The following VWA8 variants were observed in gnomAD, a reference collection of about 807,000 sequenced individuals.
VWA8 encodes the protein von Willebrand factor A domain-containing protein 8.
VWA8 carries 221 observed loss-of-function variants against 241.5 expected under a neutral mutation model. The observed-to-expected ratio is 0.91, with a 90% CI of 0.82 to 1.02. The LOEUF (loss-of-function observed/expected upper bound fraction) is 1.02, where lower values mean the gene tolerates loss of function less well. VWA8 is among the 50% of genes least tolerant of loss of function. The pLI is 0.00. For synonymous variants in VWA8, 852 were observed against 827.1 expected (o/e 1.03, Z -0.52); for missense variants, 2,322 against 2,328.7 (o/e 1.00, Z 0.06).
At chr13:41,872,876 G>T (rs1335954193) in intron 9 of VWA8, among the ~76,000 whole-genome samples, 2 of 152,014 alleles carry the variant, frequency 1.3e-5, no homozygotes, top group African/African-American at 4.8e-5. Context: ...GGATGGCATT[G>T]AATCTATAAA....
In VWA8 at chr13:41,703,336, C is replaced by T; in HGVS notation, c.3192G>A (p.Leu1064=). ...CTATATGATGAGTTTCCACTGGACA[C>T]AAGAGTTTTTGCATCCCACTTCTTG... The part of the protein sequence containing the change: ...GQARSGMQKL[L]CPVETHHIDI... Residue 1064 remains leucine (L), a synonymous_variant, in exon 27 of 45, where the codon TTG becomes TTA. Coordinates refer to ENST00000379310, the MANE Select transcript of VWA8 (RefSeq NM_015058.2). The T allele has an allele frequency of 6.2e-7, 1 of 1,614,026 alleles. No homozygotes were observed.
intron 17 of VWA8, among the ~76,000 whole-genome samples, chr13:41,805,520 A>C (rs1870147721): frequency 6.6e-6 from 1 of 152,174 alleles, no homozygotes. Context: ...TCAACGAAGA[A>C]ATATTGGACA....
At chr13:41,915,538 A>T (rs1284596164) in intron 2 of VWA8, among the ~76,000 whole-genome samples, 1 of 152,242 alleles carries the variant, frequency 6.6e-6, no homozygotes, top group African/African-American at 2.4e-5. Context: ...ACCATAGTTG[A>T]GAAATATTGT....
chr13:41,570,791 C>A, intron 43 of VWA8, 85 bp from the exon 44 acceptor site: 1 of 1,144,500 alleles, frequency 8.7e-7, no homozygotes, highest in Non-Finnish European at 1.3e-6. Flanking sequence ...TGACCATGAG[C>A]ATGCATACAT....
chr13:41,699,350 C>T, intron 28 of VWA8, 80 bp from the exon 29 acceptor site: 1 of 1,300,472 alleles, frequency 7.7e-7, no homozygotes, highest in South Asian at 1.2e-5. Flanking sequence ...AAAACTGAAT[C>T]ATGAATACAC....
At chr13:41,890,877 G>A (rs1238366070) in intron 5 of VWA8, among the ~76,000 whole-genome samples, 5 of 152,224 alleles carry the variant, frequency 3.3e-5, no homozygotes, top group African/African-American at 9.6e-5. Flanking sequence ...AAGGAAGGAT[G>A]GAAGCAGGGA....
At chr13:41,901,913 T>TATATATATAC (rs1268681139) in intron 4 of VWA8, among the ~76,000 whole-genome samples, 5 of 64,016 alleles carry the variant, frequency 7.8e-5, no homozygotes, top group African/African-American at 2.3e-4. Context: ...TATATATATA[T>TATATATATAC]ACACACACAT....
At chr13:41,789,779 G>A (rs1869370105) in intron 17 of VWA8, among the ~76,000 whole-genome samples, 1 of 152,178 alleles carries the variant, frequency 6.6e-6, no homozygotes, top group Non-Finnish European at 1.5e-5. Flanking sequence ...TGGATACTAG[G>A]CAGTCTTTGA....
chr13:41,952,308 A>G (rs1428139769), intron 1 of VWA8, among the ~76,000 whole-genome samples: 1 of 152,224 alleles, frequency 6.6e-6, no homozygotes, highest in Non-Finnish European at 1.5e-5. Context: ...AGTGCCTCAT[A>G]TAGTACAATC....
chr13:41,859,194 G>C (rs1872897024), intron 12 of VWA8, among the ~76,000 whole-genome samples: 2 of 150,628 alleles, frequency 1.3e-5, no homozygotes, highest in Admixed American at 6.6e-5. Context: ...TAAGAGAAAA[G>C]CACGAAGTCA....
chr13:41,922,546 G>C (rs1033102459), intron 2 of VWA8, among the ~76,000 whole-genome samples: 9 of 152,244 alleles, frequency 5.9e-5, no homozygotes, highest in Admixed American at 5.9e-4. Context: ...CTGACAAAGG[G>C]CTAATATCCA....
At chr13:41,671,532 G>A (rs35507243) in intron 36 of VWA8, among the ~76,000 whole-genome samples, 2,615 of 152,272 alleles carry the variant, frequency 0.017, 22 homozygotes, top group South Asian at 0.047. Context: ...TGGACTAAAT[G>A]CTTGTATCCG....
intron 19 of VWA8, among the ~76,000 whole-genome samples, chr13:41,778,510 A>G (rs971313660): frequency 1.3e-5 from 2 of 152,140 alleles, no homozygotes; most frequent in Admixed American, 6.5e-5. Context: ...TATATTATTT[A>G]CCTTCCACAC....
At chr13:41,704,939 G>T in intron 26 of VWA8, among the ~76,000 whole-genome samples, 1 of 152,118 alleles carries the variant, frequency 6.6e-6, no homozygotes, top group East Asian at 1.9e-4. Context: ...AAAAGAACAC[G>T]TTTATATTTA....
intron 37 of VWA8, among the ~76,000 whole-genome samples, chr13:41,630,624 G>T (rs2044720242): frequency 6.6e-6 from 1 of 151,820 alleles, no homozygotes; most frequent in South Asian, 2.1e-4. Flanking sequence ...CTCTGACAAA[G>T]AACTTTCTCA....
At chr13:41,782,590 T>C (rs192110012) in intron 19 of VWA8, among the ~76,000 whole-genome samples, 97 of 152,278 alleles carry the variant, frequency 6.4e-4, no homozygotes, top group Non-Finnish European at 1.1e-3. Flanking sequence ...GTTAATTGGC[T>C]ATAAAATGAA....
intron 2 of VWA8, among the ~76,000 whole-genome samples, chr13:41,923,203 C>T (rs1190872441): frequency 6.6e-6 from 1 of 152,074 alleles, no homozygotes; most frequent in Non-Finnish European, 1.5e-5. Context: ...ACAAACACCG[C>T]ATGTTCTCAC....
chr13:41,892,533 C>T (rs762758892), intron 4 of VWA8, among the ~76,000 whole-genome samples: 10 of 152,164 alleles, frequency 6.6e-5, no homozygotes, highest in Non-Finnish European at 1.2e-4. Flanking sequence ...CCTTAACACA[C>T]AGCTCTTCTT....
intron 2 of VWA8, among the ~76,000 whole-genome samples, chr13:41,918,850 C>T (rs923134118): frequency 1.3e-5 from 2 of 151,948 alleles, no homozygotes; most frequent in Non-Finnish European, 2.9e-5. Context: ...ACACTAGATA[C>T]GTTTCACAAA....
Sources: gnomAD v4.1 joint callset for allele counts (sites outside exome capture counted in the v4.1 genomes callset) on GRCh38, gnomAD v4.1.1 for gene constraint, MANE v1.5 for transcripts, NCBI Gene and HGNC (gene_info 2026-07-23, HGNC 2026-07-21) for gene names.